Variants in LAMA3 observed in about 807,000 individuals in gnomAD.
LAMA3 encodes laminin subunit alpha-3.
LAMA3 carries 281 observed loss-of-function variants against 402.0 expected under a neutral mutation model. That is an observed-to-expected ratio of 0.70 (90% CI 0.63 to 0.77). The LOEUF (loss-of-function observed/expected upper bound fraction) is 0.77, where lower values mean the gene tolerates loss of function less well. LAMA3 is among the 30% of genes least tolerant of loss of function. The probability of loss-of-function intolerance (pLI) is 0.00; values close to 1 mark genes in which losing one functional copy is unlikely to be tolerated. For synonymous variants in LAMA3, 1,431 were observed against 1,558.4 expected (o/e 0.92, Z 1.93); for missense variants, 3,840 against 4,215.5 (o/e 0.91, Z 2.47).
At chr18:23,943,112 C>T (rs549427809) in intron 68 of LAMA3, among the ~76,000 whole-genome samples, 1 of 152,288 alleles carries the variant, frequency 6.6e-6, no homozygotes, top group African/African-American at 2.4e-5. Flanking sequence ...CTTCCCTCTC[C>T]ACGAATACAT....
chr18:23,715,283 T>C (rs1454105384), intron 2 of LAMA3, among the ~76,000 whole-genome samples: 1 of 147,434 alleles, frequency 6.8e-6, no homozygotes, highest in Non-Finnish European at 1.5e-5. Flanking sequence ...TCAATAAAAC[T>C]GTTAAAAAAA....
At position 23,890,082 on chromosome 18, in the gene LAMA3, A is replaced by G; in HGVS notation, c.5375A>G (p.Asn1792Ser). Residue 1792 changes from asparagine to serine, a missense_variant, in exon 42 of 75, where the codon AAT becomes AGT. Physicochemically the swap from Asn to Ser is conservative, Grantham distance 46 (BLOSUM62 1). This residue lies in a region of LAMA3 where 2,109 missense variants were observed against 2,376.0 expected (regional missense o/e 0.89). Coordinates refer to ENST00000313654, the MANE Select transcript of LAMA3 (RefSeq NM_198129.4). ...TGCCAACCATGCAGTTGTAACAGCA[A>G]TGGCCAGCTGGGCAGCTGTCATCCC... is the stretch of plus-strand genomic sequence containing the variant. ...GSCQPCSCNSNGQLGSCHPLT... is the reference protein window; with the variant it reads ...GSCQPCSCNSSGQLGSCHPLT... The G allele has an allele frequency of 3.1e-6, 5 of 1,614,068 alleles. No homozygotes were observed. The highest frequency in any genetic ancestry group is 4.5e-5 in the East Asian group (2 of 44,882).
chr18:23,743,827 T>C (rs1779452381), intron 2 of LAMA3, among the ~76,000 whole-genome samples: 1 of 152,240 alleles, frequency 6.6e-6, no homozygotes, highest in Non-Finnish European at 1.5e-5. Context: ...CCCTTATCTC[T>C]GACCCCCAAA....
chr18:23,858,664 C>T lies in LAMA3; in HGVS notation c.4282-25C>T, dbSNP rs150990374. 5.9e-3 allele frequency: 9,460 copies of T among 1,613,852 alleles called. 30 individuals are homozygous for T. Among genetic ancestry groups the T allele is most frequent in the Non-Finnish European group, 7.2e-3 (8,442 of 1,179,782 alleles). ...AGGGAAATTTTGGAACACGTGATCT[C>T]TTATTTCATGTTTTGCTTCAATAGG... On this transcript the variant is annotated intron_variant, in intron 33 of 74. Transcript: ENST00000313654.
intron 25 of LAMA3, 130 bp downstream of exon 25, chr18:23,837,219 T>C (rs1047980529): frequency 1.4e-6 from 1 of 707,906 alleles, no homozygotes; most frequent in Non-Finnish European, 2.6e-6. Context: ...GTTTAATGTT[T>C]ATTCTTCCCA....
intron 5 of LAMA3, 109 bp from the exon 6 acceptor site, chr18:23,753,612 C>T (rs775029006): frequency 4.2e-4 from 325 of 779,306 alleles, no homozygotes; most frequent in African/African-American, 7.4e-4. Flanking sequence ...CTCAAGAATA[C>T]GGAATTTTAA....
At chr18:23,783,973 A>G (rs766143496) in intron 11 of LAMA3, 50 bp from the exon 12 acceptor site, 1 of 1,610,022 alleles carries the variant, frequency 6.2e-7, no homozygotes, top group South Asian at 1.1e-5. Flanking sequence ...AGAAATTAAG[A>G]AAGTGATGGA....
chr18:23,784,968 C>T (rs1024583324), intron 12 of LAMA3, among the ~76,000 whole-genome samples: 2 of 152,130 alleles, frequency 1.3e-5, no homozygotes, highest in African/African-American at 4.8e-5. Context: ...GGTGCTAGCC[C>T]AGAGGAGTTG....
chr18:23,713,814 A>T (rs984003094), intron 1 of LAMA3, 106 bp from the exon 2 acceptor site: 48 of 953,530 alleles, frequency 5.0e-5, no homozygotes, highest in Non-Finnish European at 6.7e-5. Context: ...TGTATAAGAT[A>T]GTCTTTGTTT....
chr18:23,927,802 G>A (rs772967653), intron 62 of LAMA3, among the ~76,000 whole-genome samples: 7 of 151,734 alleles, frequency 4.6e-5, no homozygotes, highest in Non-Finnish European at 7.4e-5. Context: ...CTGCAATGCC[G>A]TGACTCCAGC....
chr18:23,765,796 T>TA (rs1162868441), intron 8 of LAMA3, among the ~76,000 whole-genome samples: 3 of 151,834 alleles, frequency 2.0e-5, no homozygotes, highest in Non-Finnish European at 4.4e-5. Context: ...ATTCTATAAC[T>TA]AAAAAATGCA....
intron 27 of LAMA3, among the ~76,000 whole-genome samples, chr18:23,840,536 C>A (rs115804094): frequency 6.6e-6 from 1 of 151,912 alleles, no homozygotes; most frequent in African/African-American, 2.4e-5. Context: ...GTGAGCACCA[C>A]CTTGCCCAGC....
rs553772878 is a variant in LAMA3 at position 23,849,283 on chromosome 18, A to G, written c.4136+1615A>G. 3.3e-5 allele frequency among the ~76,000 whole-genome samples: 5 copies of G among 152,332 alleles called. No individual in the cohort carries two copies. In the East Asian group the frequency reaches 9.6e-4, roughly 29 times the overall value. ...CTCCTTGATAATACTGGAACCTTGT[A>G]AGGAAGCTGGGAGAAAAACTCAAAT... On this transcript the variant is annotated intron_variant, in intron 32 of 74. Coordinates refer to ENST00000313654, the MANE Select transcript of LAMA3 (RefSeq NM_198129.4).
intron 11 of LAMA3, among the ~76,000 whole-genome samples, chr18:23,780,345 A>G (rs2062411300): frequency 7.0e-6 from 1 of 143,078 alleles, no homozygotes; most frequent in African/African-American, 2.5e-5. Flanking sequence ...AGGAAGAAGG[A>G]AGGGAGGGAG....
chr18:23,811,735 G>A (rs2063072632), intron 13 of LAMA3, among the ~76,000 whole-genome samples: 2 of 152,112 alleles, frequency 1.3e-5, no homozygotes, highest in African/African-American at 4.8e-5. Flanking sequence ...AGAAAAGAAA[G>A]AGAGGGCAGG....
chr18:23,705,926 T>A (rs1035202690), intron 1 of LAMA3, among the ~76,000 whole-genome samples: 1 of 152,192 alleles, frequency 6.6e-6, no homozygotes, highest in South Asian at 2.1e-4. Flanking sequence ...CCACCCCCAT[T>A]CCCTCTGTCT....
intron 48 of LAMA3, 30 bp downstream of exon 48, chr18:23,901,353 T>C (rs548736376): frequency 1.5e-5 from 24 of 1,574,546 alleles, no homozygotes; most frequent in African/African-American, 6.7e-5. Flanking sequence ...TTGCACACTT[T>C]CGTTAATAAG....
In LAMA3 at chr18:23,951,712, G is replaced by A. The variant is rs768569933; in HGVS notation, c.9671G>A (p.Gly3224Asp). Reference protein sequence around the residue: ...KVTASMDSGAGGTSTSVTPKQ... With the variant: ...KVTASMDSGADGTSTSVTPKQ... ...ACGGCCTCTATGGACAGTGGGGCAG[G>A]TGGGACCTCAACGTCGGTCACACCA... is the stretch of plus-strand genomic sequence containing the variant. Residue 3224 changes from glycine (G) to aspartate (D), a missense_variant, in exon 73 of 75, where the codon GGT (glycine) becomes GAT (aspartate). By Grantham distance (94) the Gly-to-Asp change is moderately conservative. Transcript: ENST00000313654. 1.9e-6 allele frequency: 3 copies of A among 1,614,086 alleles called. No individual in the cohort carries two copies. In the South Asian group the frequency reaches 3.3e-5, roughly 18 times the overall value.
intron 42 of LAMA3, among the ~76,000 whole-genome samples, chr18:23,890,677 A>C (rs2080629915): frequency 6.6e-6 from 1 of 152,222 alleles, no homozygotes; most frequent in Non-Finnish European, 1.5e-5. Context: ...AATAGGATTA[A>C]TCAGGAAAAT....
Sources: allele counts gnomAD v4.1 joint callset (sites outside exome capture counted in the v4.1 genomes callset), GRCh38; gene constraint gnomAD v4.1.1; regional missense constraint gnomAD v4.1.1; transcripts MANE v1.5; gene names NCBI Gene and HGNC (gene_info 2026-07-23, HGNC 2026-07-21).